The following ZBTB7C variants were observed in gnomAD, a reference collection of about 807,000 sequenced individuals.
ZBTB7C encodes the protein zinc finger and BTB domain containing 7C.
ZBTB7C carries 8 observed loss-of-function variants against 25.7 expected under a neutral mutation model. The observed-to-expected ratio is 0.31, with a 90% CI of 0.18 to 0.56. The LOEUF (loss-of-function observed/expected upper bound fraction) is 0.56. ZBTB7C is among the 20% of genes least tolerant of loss of function. The probability of loss-of-function intolerance (pLI) is 0.91; values close to 1 mark genes in which losing one functional copy is unlikely to be tolerated. For missense variants in ZBTB7C, 824 were observed against 855.2 expected (o/e 0.96, Z 0.46); for synonymous variants, 394 against 369.0 (o/e 1.07, Z -0.78).
intron 3 of ZBTB7C, among the ~76,000 whole-genome samples, chr18:48,154,662 T>A (rs1273116209): frequency 6.6e-6 from 1 of 152,232 alleles, no homozygotes; most frequent in Non-Finnish European, 1.5e-5. Flanking sequence ...TGTCTAGGAC[T>A]CTATTATAAA....
intron 1 of ZBTB7C, among the ~76,000 whole-genome samples, chr18:48,372,431 C>T (rs116382772): frequency 3.3e-5 from 5 of 152,348 alleles, no homozygotes; most frequent in East Asian, 1.9e-4. Context: ...TGAGTGGAAC[C>T]GTGTCACTTC....
At chr18:48,215,555 GT>G (rs1334843080) in intron 2 of ZBTB7C, among the ~76,000 whole-genome samples, 1 of 152,218 alleles carries the variant, frequency 6.6e-6, no homozygotes, top group African/African-American at 2.4e-5. Flanking sequence ...GGTTGAAAGA[GT>G]TAAGTTATTA....
At chr18:48,411,791 T>C (rs528562356), upstream of ZBTB7C, among the ~76,000 whole-genome samples, 2 of 152,380 alleles carry the variant, frequency 1.3e-5, no homozygotes, top group East Asian at 3.8e-4. Flanking sequence ...TAGACTCTAA[T>C]ATAAATGTGG....
chr18:48,336,160 C>A (rs1299413666), intron 2 of ZBTB7C, among the ~76,000 whole-genome samples: 1 of 152,218 alleles, frequency 6.6e-6, no homozygotes, highest in Admixed American at 6.5e-5. Context: ...CACTTAAATG[C>A]AGTCACCATT....
chr18:48,082,782 GAGGCCTAGAGCA>G (rs1418500259), intron 3 of ZBTB7C, among the ~76,000 whole-genome samples: 2 of 152,182 alleles, frequency 1.3e-5, no homozygotes, highest in Non-Finnish European at 2.9e-5. Context: ...CTGAGAGTCA[GAGGCCTAGAGCA>G]AGGCCTAGAG....
Position 48,040,115 on chromosome 18 carries a change from G to A in ZBTB7C, c.993C>T (p.Tyr331=), listed in dbSNP as rs73953657. 6.2e-4 allele frequency: 994 copies of A among 1,600,952 alleles called. 5 individuals are homozygous for A. The East Asian group carries it at 8.3e-3, about 13-fold the overall frequency. The part of the protein sequence containing the change: ...PLGPIKAEND[Y]GAYLNFLSAT... The stretch of plus-strand genomic sequence containing the variant: ...CACTCAGGAAGTTGAGATAGGCACC[G>A]TAGTCGTTCTCCGCCTTGATGGGTC... The change falls in exon 4 of 5, where the codon TAC becomes TAT. Residue 331 remains tyrosine, a synonymous_variant. Transcript: ENST00000590800.
At chr18:48,322,027 T>C (rs2144858581) in intron 2 of ZBTB7C, among the ~76,000 whole-genome samples, 1 of 152,296 alleles carries the variant, frequency 6.6e-6, no homozygotes, top group South Asian at 2.1e-4. Context: ...GCTCCTTTGA[T>C]TCACACCTGC....
intron 3 of ZBTB7C, among the ~76,000 whole-genome samples, chr18:48,047,169 G>A (rs2036507442): frequency 6.6e-6 from 1 of 152,154 alleles, no homozygotes; most frequent in Admixed American, 6.5e-5. Context: ...TGCATGCTGG[G>A]AGCTTCCCTG....
chr18:48,229,688 G>A (rs1468389701), intron 2 of ZBTB7C, among the ~76,000 whole-genome samples: 1 of 152,164 alleles, frequency 6.6e-6, no homozygotes, highest in Non-Finnish European at 1.5e-5. Context: ...TTTCCAGGTT[G>A]GAACAAATTG....
intron 3 of ZBTB7C, among the ~76,000 whole-genome samples, chr18:48,111,207 G>A (rs779177667): frequency 5.3e-5 from 8 of 152,066 alleles, no homozygotes; most frequent in South Asian, 2.1e-4. Flanking sequence ...TCATGCTCTC[G>A]TCCTCAGCTC....
chr18:48,111,438 T>G (rs1014010501), intron 3 of ZBTB7C, among the ~76,000 whole-genome samples: 1 of 152,206 alleles, frequency 6.6e-6, no homozygotes, highest in Non-Finnish European at 1.5e-5. Flanking sequence ...GTGATGAAAC[T>G]TTAAGAGACT....
intron 3 of ZBTB7C, among the ~76,000 whole-genome samples, chr18:48,176,627 G>GTGTGTGTA (rs2041688330): frequency 6.6e-6 from 1 of 152,028 alleles, no homozygotes; most frequent in Non-Finnish European, 1.5e-5. Flanking sequence ...GTGTGTGTGT[G>GTGTGTGTA]TGTGTGTGTG....
At chr18:48,146,847 C>T (rs1203222701) in intron 3 of ZBTB7C, among the ~76,000 whole-genome samples, 2 of 152,208 alleles carry the variant, frequency 1.3e-5, no homozygotes, top group Non-Finnish European at 1.5e-5. Flanking sequence ...GTTTAAAACA[C>T]CATGTGCCAC....
At chr18:48,181,654 C>G (rs1377649211) in intron 3 of ZBTB7C, among the ~76,000 whole-genome samples, 1 of 152,204 alleles carries the variant, frequency 6.6e-6, no homozygotes, top group East Asian at 1.9e-4. Flanking sequence ...CTCTGGCTGT[C>G]CTGTTTTCTA....
intron 3 of ZBTB7C, among the ~76,000 whole-genome samples, chr18:48,047,657 C>T (rs1598775285): frequency 6.6e-6 from 1 of 152,160 alleles, no homozygotes; most frequent in East Asian, 1.9e-4. Context: ...GCACTTCCCT[C>T]TCTGGGCCTC....
At chr18:48,219,101 T>G (rs2042892433) in intron 2 of ZBTB7C, among the ~76,000 whole-genome samples, 2 of 152,210 alleles carry the variant, frequency 1.3e-5, no homozygotes, top group African/African-American at 4.8e-5. Context: ...CCCTCAGGCC[T>G]GGGACTGGAC....
At position 48,079,570 on chromosome 18, in the gene ZBTB7C, A is replaced by G. The variant is rs1210939587; in HGVS notation, c.-16-38447T>C. Among the ~76,000 whole-genome samples, 3 of 152,244 alleles carry G rather than the reference A, an allele frequency of 2.0e-5. No individual in the cohort carries two copies. The East Asian group carries it at 5.8e-4, about 29-fold the overall frequency. On this transcript the variant is annotated intron_variant, in intron 3 of 4. Coordinates refer to ENST00000590800, the MANE Select transcript of ZBTB7C (RefSeq NM_001318841.2). ...TCCTAACCCCTCCCCTCCTGGCTAC[A>G]TCAGCACCTCCTCGCCAAAGCAGAG... is the stretch of plus-strand genomic sequence containing the variant.
intron 4 of ZBTB7C, among the ~76,000 whole-genome samples, chr18:48,036,476 T>TGGGGC (rs1453894652): frequency 6.6e-6 from 1 of 151,608 alleles, no homozygotes; most frequent in Admixed American, 6.6e-5. Context: ...CCCCATGGGG[T>TGGGGC]GGGGCGGGGA....
At chr18:48,108,123 G>A (rs988956163) in intron 3 of ZBTB7C, among the ~76,000 whole-genome samples, 4 of 152,174 alleles carry the variant, frequency 2.6e-5, no homozygotes, top group African/African-American at 9.7e-5. Flanking sequence ...GCAGCTGGAA[G>A]GACCCCAAGG....
Sources: allele counts gnomAD v4.1 joint callset (sites outside exome capture counted in the v4.1 genomes callset), GRCh38; gene constraint gnomAD v4.1.1; transcripts MANE v1.5; gene names NCBI Gene and HGNC (gene_info 2026-07-23, HGNC 2026-07-21).